Variants in GUCY1A2 observed in about 807,000 individuals in gnomAD.
The protein encoded by GUCY1A2 is guanylate cyclase soluble subunit alpha-2.
A neutral mutation model predicts 63.5 loss-of-function variants in GUCY1A2; 27 were observed. The observed-to-expected ratio is 0.43, with a 90% CI of 0.31 to 0.59. GUCY1A2 has a LOEUF of 0.59. Among genes scored for constraint, GUCY1A2 ranks in the 20% least tolerant of loss-of-function variants. The pLI, the probability that GUCY1A2 is intolerant of heterozygous loss-of-function variation, is 0.11. For missense variants in GUCY1A2, 768 were observed against 913.3 expected, an observed-to-expected ratio of 0.84 and a Z score of 2.05; for synonymous variants, 364 against 343.5, an observed-to-expected ratio of 1.06 and a Z score of -0.66.
intron 4 of GUCY1A2, among the ~76,000 whole-genome samples, chr11:106,843,793 T>C (rs1363675760): frequency 1.3e-5 from 2 of 151,950 alleles, no homozygotes; most frequent in Non-Finnish European, 1.5e-5. Flanking sequence ...TTCTTACTAC[T>C]TTACTGATTC....
chr11:106,832,672 G>A (rs992719481), intron 4 of GUCY1A2, among the ~76,000 whole-genome samples: 1 of 152,080 alleles, frequency 6.6e-6, no homozygotes, highest in Non-Finnish European at 1.5e-5. Flanking sequence ...GTCTAAGAAT[G>A]TCTGCCCTGC....
intron 4 of GUCY1A2, among the ~76,000 whole-genome samples, chr11:106,888,309 A>T (rs1859926684): frequency 6.6e-6 from 1 of 151,514 alleles, no homozygotes; most frequent in Non-Finnish European, 1.5e-5. Flanking sequence ...ATACAAAAAA[A>T]AAAAAATTAG....
intron 6 of GUCY1A2, among the ~76,000 whole-genome samples, chr11:106,728,114 CCTT>C (rs1863439057): frequency 6.6e-6 from 1 of 152,138 alleles, no homozygotes; most frequent in Non-Finnish European, 1.5e-5. Flanking sequence ...ACACCGCATG[CCTT>C]CTTGTTTACT....
chr11:106,852,569 A>G (rs1322696829), intron 4 of GUCY1A2, among the ~76,000 whole-genome samples: 1 of 152,098 alleles, frequency 6.6e-6, no homozygotes, highest in African/African-American at 2.4e-5. Context: ...TAAAATGAAC[A>G]TTTGGCTTTT....
intron 4 of GUCY1A2, among the ~76,000 whole-genome samples, chr11:106,915,566 A>G (rs1591326174): frequency 9.1e-6 from 1 of 110,168 alleles, no homozygotes; most frequent in Non-Finnish European, 2.2e-5. Context: ...AACATTGCCT[A>G]ATTTTAATCC....
At chr11:106,720,530 T>C (rs757328809) in intron 6 of GUCY1A2, among the ~76,000 whole-genome samples, 40 of 152,188 alleles carry the variant, frequency 2.6e-4, no homozygotes, top group Non-Finnish European at 1.3e-4. Context: ...TAACCCTTTT[T>C]TTTCATTATT....
intron 2 of GUCY1A2, 23 bp from the exon 3 acceptor site, chr11:106,978,763 A>G (rs111785800): frequency 6.3e-7 from 1 of 1,576,750 alleles, no homozygotes; most frequent in South Asian, 1.2e-5. Context: ...CAAAATTAGC[A>G]TAAGGAGAAA....
rs766696749 is a variant in GUCY1A2, at chr11:107,018,087, T to TGGCGGC, written c.-38_-33dup. The TGGCGGC allele has an allele frequency of 4.3e-6, 6 of 1,391,000 alleles. No homozygotes were observed. Among genetic ancestry groups the TGGCGGC allele is most frequent in the African/African-American group, 3.0e-5 (2 of 66,000 alleles). The allele number at this position is 1,391,000 out of a possible 1,614,324, so 86.2% of individuals were successfully genotyped here. On this transcript the variant is annotated 5_prime_UTR_variant, in exon 1 of 8. Transcript: ENST00000526355. ...GGCGGAGCTGCAGCGGCCGAGGCGG[T>TGGCGGC]GGCGGCGAGGACGCGAGCGGCGGCG...
intron 2 of GUCY1A2, among the ~76,000 whole-genome samples, chr11:106,984,957 G>A (rs112311143): frequency 1.4e-4 from 22 of 152,000 alleles, no homozygotes; most frequent in African/African-American, 5.3e-4. Flanking sequence ...AAGTTTCAAA[G>A]CAATTCCCTT....
At chr11:106,712,333 T>C (rs1863134505) in intron 6 of GUCY1A2, among the ~76,000 whole-genome samples, 1 of 152,222 alleles carries the variant, frequency 6.6e-6, no homozygotes. Context: ...ATTGTAATTT[T>C]CCTCTATAGA....
At chr11:106,754,642 T>G (rs1565278962) in intron 6 of GUCY1A2, among the ~76,000 whole-genome samples, 2 of 152,140 alleles carry the variant, frequency 1.3e-5, no homozygotes, top group Admixed American at 6.6e-5. Context: ...GGTTCTGTTT[T>G]TGTGATGGAT....
At chr11:106,954,114 A>T (rs1860949619) in intron 3 of GUCY1A2, among the ~76,000 whole-genome samples, 1 of 152,024 alleles carries the variant, frequency 6.6e-6, no homozygotes, top group Non-Finnish European at 1.5e-5. Flanking sequence ...TTAGGGTGTC[A>T]ATTTGAGATC....
At chr11:106,766,837 A>AAAAC (rs1864172537) in intron 6 of GUCY1A2, among the ~76,000 whole-genome samples, 1 of 152,094 alleles carries the variant, frequency 6.6e-6, no homozygotes, top group Non-Finnish European at 1.5e-5. Flanking sequence ...AACCCATTCA[A>AAAAC]AAACACCTAA....
chr11:106,742,886 G>A lies in GUCY1A2; in HGVS notation c.1836+33553C>T, dbSNP rs146414304. 6.0e-3 allele frequency among the ~76,000 whole-genome samples: 915 copies of A among 152,210 alleles called. 6 individuals are homozygous for A. The highest frequency in any genetic ancestry group is 0.021 in the African/African-American group (865 of 41,528). On this transcript the variant is annotated intron_variant, in intron 6 of 7. Transcript: ENST00000526355. ...CAATAAGTAAACAGGTACTTCTGAA[G>A]TACCCTCTTCATTTTTTTGTTTGGT...
chr11:106,926,268 A>G (rs566144027), intron 4 of GUCY1A2, among the ~76,000 whole-genome samples: 4 of 152,018 alleles, frequency 2.6e-5, no homozygotes, highest in Admixed American at 6.5e-5. Flanking sequence ...ACTACTACTA[A>G]TAACAATAAT....
intron 1 of GUCY1A2, among the ~76,000 whole-genome samples, chr11:107,002,512 T>TA (rs1368056963): frequency 6.6e-6 from 1 of 151,488 alleles, no homozygotes; most frequent in Non-Finnish European, 1.5e-5. Context: ...CAAACACAAA[T>TA]AAAAAAACAG....
chr11:106,746,681 G>A (rs753528948), intron 6 of GUCY1A2: 3 of 1,207,224 alleles, frequency 2.5e-6, no homozygotes, highest in South Asian at 2.6e-5. Context: ...TGAATCAAGG[G>A]ACAAAAATAA....
intron 4 of GUCY1A2, among the ~76,000 whole-genome samples, chr11:106,828,083 C>G (rs1271040853): frequency 1.3e-5 from 2 of 152,054 alleles, no homozygotes; most frequent in Non-Finnish European, 1.5e-5. Context: ...GTTTGAGTAC[C>G]TTGTACATTC....
At chr11:106,801,688 A>G (rs1398419568) in intron 5 of GUCY1A2, among the ~76,000 whole-genome samples, 1 of 152,174 alleles carries the variant, frequency 6.6e-6, no homozygotes, top group East Asian at 1.9e-4. Flanking sequence ...CATACTTAAT[A>G]ATAATTTAAT....
Sources: gnomAD v4.1 joint callset for allele counts (sites outside exome capture counted in the v4.1 genomes callset) on GRCh38, gnomAD v4.1.1 for gene constraint, MANE v1.5 for transcripts, NCBI Gene and HGNC (gene_info 2026-07-23, HGNC 2026-07-21) for gene names.